Variants in SEC63 observed in about 807,000 individuals in gnomAD.
SEC63 encodes the protein translocation protein SEC63 homolog.
SEC63 carries 56 observed loss-of-function variants against 116.2 expected under a neutral mutation model. The observed-to-expected ratio is 0.48, with a 90% CI of 0.39 to 0.60. The LOEUF is 0.60. Ranked by LOEUF, SEC63 falls within the 20% of genes least tolerant of loss-of-function variation. SEC63 has a pLI of 0.00. For synonymous variants in SEC63, 273 were observed against 294.6 expected, an observed-to-expected ratio of 0.93 and a Z score of 0.75; for missense variants, 668 against 900.0, an observed-to-expected ratio of 0.74 and a Z score of 3.30.
In SEC63 at chr6:107,893,864, C is replaced by T; in HGVS notation, c.1474G>A (p.Ala492Thr). ...VFEKEQSICA[A>T]EEQPAEDGQG... is the part of the protein sequence containing the mutation. ...CCATCTTCTGCTGGCTGTTCCTCTG[C>T]AGCACAGATGGACTGCTCCTTTTCA... is the stretch of plus-strand genomic sequence containing the variant. The change falls in exon 15 of 21, where the codon GCA becomes ACA. Residue 492 changes from alanine (A) to threonine (T), a missense_variant. Physicochemically the swap from Ala to Thr is moderately conservative, Grantham distance 58. Coordinates refer to ENST00000369002, the MANE Select transcript of SEC63 (RefSeq NM_007214.5). 6.2e-7 allele frequency: 1 copy of T among 1,614,112 alleles called. No homozygotes were observed. Among genetic ancestry groups the T allele is most frequent in the Non-Finnish European group, 8.5e-7 (1 of 1,179,998 alleles).
chr6:107,953,707 C>G (rs1327658225), intron 1 of SEC63, among the ~76,000 whole-genome samples: 1 of 123,568 alleles, frequency 8.1e-6, no homozygotes, highest in African/African-American at 2.9e-5. Flanking sequence ...GGGGGGTCAG[C>G]CCCCTGCCCG....
chr6:107,947,289 C>T (rs1770497749), intron 1 of SEC63, among the ~76,000 whole-genome samples: 1 of 151,796 alleles, frequency 6.6e-6, no homozygotes, highest in Admixed American at 6.6e-5. Context: ...AGAGTGAGAC[C>T]CTGTCTCAAA....
intron 1 of SEC63, among the ~76,000 whole-genome samples, chr6:107,933,646 C>G (rs1030868542): frequency 1.3e-5 from 2 of 152,158 alleles, no homozygotes; most frequent in Non-Finnish European, 2.9e-5. Context: ...CTAAAGGAGA[C>G]TAAAGAAACA....
chr6:107,919,417 T>C (rs921447246), intron 4 of SEC63, among the ~76,000 whole-genome samples: 2 of 152,238 alleles, frequency 1.3e-5, no homozygotes, highest in Non-Finnish European at 2.9e-5. Flanking sequence ...TGGTATCTAT[T>C]CCTGATGAAG....
At chr6:107,879,404 G>A (rs1279061559) in intron 18 of SEC63, among the ~76,000 whole-genome samples, 3 of 152,182 alleles carry the variant, frequency 2.0e-5, no homozygotes, top group African/African-American at 4.8e-5. Flanking sequence ...TCAGCTTACC[G>A]CAACCTCCGC....
chr6:107,893,976 C>T, intron 14 of SEC63, 79 bp from the exon 15 acceptor site: 1 of 1,454,220 alleles, frequency 6.9e-7, no homozygotes, highest in South Asian at 1.2e-5. Flanking sequence ...ATCTTTCAAA[C>T]TGCATTTTTA....
At chr6:107,877,802 A>G (rs1278571687) in intron 18 of SEC63, among the ~76,000 whole-genome samples, 2 of 152,198 alleles carry the variant, frequency 1.3e-5, no homozygotes, top group African/African-American at 4.8e-5. Context: ...ATAGATTAAA[A>G]TTTGGTTTAT....
At position 107,894,509 on chromosome 6, in the gene SEC63, A is replaced by AT. The variant is rs1352186660; in HGVS notation, c.1441-613dup. ...GGCAACAGAGCGAGACCCCATATCTATAAAAAAAAAACACCATGAAAATCT... is the reference window on the plus strand; with the variant it reads ...GGCAACAGAGCGAGACCCCATATCTATTAAAAAAAAAACACCATGAAAATCT... On this transcript the variant is annotated intron_variant, in intron 14 of 20. Coordinates refer to ENST00000369002, the MANE Select transcript of SEC63 (RefSeq NM_007214.5). Among the ~76,000 whole-genome samples the AT allele has an allele frequency of 1.6e-3, 12 of 7,612 alleles. No homozygotes were observed. In the African/African-American group the frequency reaches 0.016, roughly 10 times the overall value. The allele number at this position is 7,612 out of a possible 152,430, so 5.0% of individuals were successfully genotyped here.
intron 3 of SEC63, among the ~76,000 whole-genome samples, chr6:107,922,628 T>A (rs1207753634): frequency 6.6e-6 from 1 of 152,236 alleles, no homozygotes; most frequent in Non-Finnish European, 1.5e-5. Flanking sequence ...ATACCTGGTT[T>A]CAGCTGCTTG....
intron 1 of SEC63, among the ~76,000 whole-genome samples, chr6:107,954,156 G>T (rs891313390): frequency 6.6e-6 from 1 of 152,046 alleles, no homozygotes; most frequent in Non-Finnish European, 1.5e-5. Context: ...CCTGTTGATC[G>T]GTGACCCTAC....
chr6:107,957,701 A>G, intron 1 of SEC63, 185 bp downstream of exon 1: 1 of 449,724 alleles, frequency 2.2e-6, no homozygotes, highest in Non-Finnish European at 3.6e-6. Flanking sequence ...AGGGAGGTGG[A>G]GAAGCGCCGA....
chr6:107,878,647 G>A (rs1786335960), intron 18 of SEC63, among the ~76,000 whole-genome samples: 1 of 152,136 alleles, frequency 6.6e-6, no homozygotes, highest in Non-Finnish European at 1.5e-5. Flanking sequence ...CTTGAAGTCG[G>A]GAGTTTAAGA....
rs997460871 is a variant in SEC63 at position 107,871,179 on chromosome 6, T to A, written c.*525A>T. Reference sequence around the variant, plus strand: ...AGAGAATGCCAACTTATGACCAAGATAAGTAAAAATAAAAGTTTAAATCTA... The same window carrying A: ...AGAGAATGCCAACTTATGACCAAGAAAAGTAAAAATAAAAGTTTAAATCTA... On this transcript the variant is annotated 3_prime_UTR_variant, in exon 21 of 21. Coordinates refer to ENST00000369002, the MANE Select transcript of SEC63 (RefSeq NM_007214.5). The A allele has an allele frequency of 6.3e-6, 1 of 158,202 alleles. No homozygotes were observed. The highest frequency in any genetic ancestry group is 2.4e-5 in the African/African-American group (1 of 41,482). The allele number at this position is 158,202 out of a possible 1,614,324, so 9.8% of individuals were successfully genotyped here. A position where few individuals can be genotyped will look rare whatever the true frequency, so the allele number is the denominator to read the frequency against.
rs193250928 is a variant in SEC63 at position 107,897,156 on chromosome 6, G to T, written c.1440+493C>A. Reference sequence around the variant, plus strand: ...GATGAGCCTCAAAACGAATCATCTCGAAGTGGTGGGATTTTAGGTAGTTTT... The same window carrying T: ...GATGAGCCTCAAAACGAATCATCTCTAAGTGGTGGGATTTTAGGTAGTTTT... On this transcript the variant is annotated intron_variant, in intron 14 of 20. Coordinates refer to ENST00000369002, the MANE Select transcript of SEC63 (RefSeq NM_007214.5). 9.1e-4 allele frequency among the ~76,000 whole-genome samples: 138 copies of T among 152,242 alleles called. 1 individual carries two copies. Among genetic ancestry groups the T allele is most frequent in the South Asian group, 1.7e-3 (8 of 4,818 alleles).
At position 107,885,607 on chromosome 6, in the gene SEC63, T is replaced by C. The variant is rs184590462; in HGVS notation, c.1675-2461A>G. Among the ~76,000 whole-genome samples, 149 of 152,310 alleles carry C rather than the reference T, an allele frequency of 9.8e-4. 4 individuals are homozygous for C. In the East Asian group the frequency reaches 0.028, roughly 28 times the overall value. On this transcript the variant is annotated intron_variant, in intron 16 of 20. Coordinates refer to ENST00000369002, the MANE Select transcript of SEC63 (RefSeq NM_007214.5). ...AACCATGGATTCAATGCAATACCAATGTAAATTTCAGCAGCTTTTTGGGGG... is the reference window on the plus strand; with the variant it reads ...AACCATGGATTCAATGCAATACCAACGTAAATTTCAGCAGCTTTTTGGGGG...
chr6:107,887,812 G>A (rs569140389), intron 16 of SEC63, among the ~76,000 whole-genome samples: 211 of 152,214 alleles, frequency 1.4e-3, no homozygotes, highest in African/African-American at 4.7e-3. Context: ...TCTGCATATG[G>A]CTAGCCAGTT....
chr6:107,935,322 G>C (rs1297987594), intron 1 of SEC63, among the ~76,000 whole-genome samples: 1 of 151,850 alleles, frequency 6.6e-6, no homozygotes, highest in African/African-American at 2.4e-5. Flanking sequence ...GGGCCGGGAT[G>C]ACAATGGCGG....
In SEC63 at chr6:107,904,800, A is replaced by ATTTCAC; in HGVS notation, c.962-80_962-79insGTGAAA. The ATTTCAC allele has an allele frequency of 2.9e-6, 3 of 1,029,122 alleles. No individual in the cohort carries two copies. The Admixed American group carries it at 5.1e-5, about 18-fold the overall frequency. 63.7% of individuals were successfully genotyped at this position (1,029,122 alleles called of 1,614,324 possible). A position where few individuals can be genotyped will look rare whatever the true frequency, so the allele number is the denominator to read the frequency against. On this transcript the variant is annotated intron_variant, in intron 10 of 20. Coordinates refer to ENST00000369002, the MANE Select transcript of SEC63 (RefSeq NM_007214.5). ...ATCTTTATCACTGTGGCCCAAAACT[A>ATTTCAC]ATATTAAAGTTATGCCACAAATATT...
In SEC63 at chr6:107,958,111, TGCC is replaced by T; in HGVS notation, c.-105_-103del. 6.5e-6 allele frequency: 10 copies of T among 1,543,218 alleles called. No individual in the cohort carries two copies. The highest frequency in any genetic ancestry group is 4.6e-5 in the East Asian group (2 of 43,252). On this transcript the variant is annotated 5_prime_UTR_variant, in exon 1 of 21. Coordinates refer to ENST00000369002, the MANE Select transcript of SEC63 (RefSeq NM_007214.5). ...GGCCCGAGTGGCGTAGCTTGGACAC[TGCC>T]GCCGCCGCCTCTCCTCCCCGCCCCC...
Sources: gnomAD v4.1 joint callset for allele counts (sites outside exome capture counted in the v4.1 genomes callset) on GRCh38, gnomAD v4.1.1 for gene constraint, MANE v1.5 for transcripts, NCBI Gene and HGNC (gene_info 2026-07-23, HGNC 2026-07-21) for gene names.